The following FAM222B variants were observed in gnomAD, a reference collection of about 807,000 sequenced individuals.
The protein encoded by FAM222B is protein FAM222B.
In FAM222B, 12 loss-of-function variants were observed where a neutral mutation model predicts 38.0. The observed-to-expected ratio is 0.32, with a 90% CI of 0.20 to 0.51. The LOEUF (loss-of-function observed/expected upper bound fraction) is 0.51. Among genes scored for constraint, FAM222B ranks in the 20% least tolerant of loss-of-function variants. The probability of loss-of-function intolerance (pLI) is 0.97; values close to 1 mark genes in which losing one functional copy is unlikely to be tolerated. For missense variants in FAM222B, 716 were observed against 754.2 expected, an observed-to-expected ratio of 0.95 and a Z score of 0.59; for synonymous variants, 329 against 317.2, an observed-to-expected ratio of 1.04 and a Z score of -0.40.
chr17:28,847,980 AG>A (rs2039157395), intron 1 of FAM222B, among the ~76,000 whole-genome samples: 1 of 151,908 alleles, frequency 6.6e-6, no homozygotes, highest in Non-Finnish European at 1.5e-5. Flanking sequence ...TGAAGGAGAG[AG>A]AAGCAGATGG....
At chr17:28,775,159 C>A (rs2035826136) in intron 1 of FAM222B, among the ~76,000 whole-genome samples, 1 of 151,198 alleles carries the variant, frequency 6.6e-6, no homozygotes, top group Non-Finnish European at 1.5e-5. Flanking sequence ...CACCACCATG[C>A]CCGACTAATT....
Position 28,787,826 on chromosome 17 carries a change from CT to C in FAM222B, c.-40-21120del, listed in dbSNP as rs59467944. On this transcript the variant is annotated intron_variant, in intron 1 of 2. Transcript: ENST00000581407. Reference sequence around the variant, plus strand: ...ACAAATAAAAAACTAATAAAGTAGTCTTTTTTTTTTTTTTTTTGAGACGGAG... The same window carrying C: ...ACAAATAAAAAACTAATAAAGTAGTCTTTTTTTTTTTTTTTTGAGACGGAG... Among the ~76,000 whole-genome samples, 478 of 130,146 alleles carry C rather than the reference CT, an allele frequency of 3.7e-3. 1 individual carries two copies. Among genetic ancestry groups the C allele is most frequent in the East Asian group, 5.8e-3 (26 of 4,516 alleles). 85.4% of individuals were successfully genotyped at this position (130,146 alleles called of 152,430 possible).
At chr17:28,801,451 C>CAAAAAAAAAAA (rs766189732) in intron 1 of FAM222B, among the ~76,000 whole-genome samples, 2 of 90,280 alleles carry the variant, frequency 2.2e-5, no homozygotes, top group East Asian at 3.6e-4. Flanking sequence ...GACTCCGTCT[C>CAAAAAAAAAAA]AAAAAAAAAA....
At chr17:28,833,758 A>G (rs1437800123) in intron 1 of FAM222B, among the ~76,000 whole-genome samples, 1 of 152,172 alleles carries the variant, frequency 6.6e-6, no homozygotes, top group African/African-American at 2.4e-5. Flanking sequence ...AACAACATAT[A>G]AAGCAACTGA....
At chr17:28,778,809 C>T (rs2036033210) in intron 1 of FAM222B, among the ~76,000 whole-genome samples, 1 of 145,386 alleles carries the variant, frequency 6.9e-6, no homozygotes, top group South Asian at 2.2e-4. Context: ...AGTGATCCAC[C>T]CACCTCAGCC....
intron 1 of FAM222B, among the ~76,000 whole-genome samples, chr17:28,799,542 C>A (rs1230856301): frequency 6.6e-6 from 1 of 151,796 alleles, no homozygotes; most frequent in Non-Finnish European, 1.5e-5. Context: ...ATCTCCTGAC[C>A]TCGTGATCCG....
intron 1 of FAM222B, among the ~76,000 whole-genome samples, chr17:28,787,639 C>G (rs570071144): frequency 6.6e-6 from 1 of 152,164 alleles, no homozygotes; most frequent in Admixed American, 6.5e-5. Flanking sequence ...TGGCAGACCA[C>G]AACTAGCTAA....
At chr17:28,775,770 A>G (rs1342570011) in intron 1 of FAM222B, among the ~76,000 whole-genome samples, 2 of 151,700 alleles carry the variant, frequency 1.3e-5, no homozygotes, top group African/African-American at 2.4e-5. Context: ...AGTCCCAGCT[A>G]CTCAGGAGGC....
chr17:28,845,127 C>A (rs972089845), upstream of FAM222B, among the ~76,000 whole-genome samples: 1 of 148,182 alleles, frequency 6.7e-6, no homozygotes, highest in Admixed American at 6.8e-5. Context: ...TAGGGCCGGG[C>A]GCGGTGGCTC....
chr17:28,803,444 T>A (rs2151907118), intron 1 of FAM222B, among the ~76,000 whole-genome samples: 1 of 151,930 alleles, frequency 6.6e-6, no homozygotes, highest in Admixed American at 6.6e-5. Flanking sequence ...TAGCTGGGAG[T>A]ACAGGCACAC....
chr17:28,806,337 A>G lies in FAM222B; in HGVS notation c.-41+36345T>C, dbSNP rs1204536602. Among the ~76,000 whole-genome samples, 4 of 152,212 alleles carry G rather than the reference A, an allele frequency of 2.6e-5. No individual in the cohort carries two copies. In the East Asian group the frequency reaches 7.7e-4, roughly 29 times the overall value. ...TGAACTCTTAACTAGAGTCTTGTCC[A>G]TATCTTGGTAAAGATGCCCTCTGCC... On this transcript the variant is annotated intron_variant, in intron 1 of 2. Transcript: ENST00000581407.
At chr17:28,812,795 C>G (rs1037120298) in intron 1 of FAM222B, among the ~76,000 whole-genome samples, 1 of 147,468 alleles carries the variant, frequency 6.8e-6, no homozygotes, top group African/African-American at 2.5e-5. Context: ...TACTAGGAGA[C>G]CCCCCCCCAC....
At position 28,758,600 on chromosome 17, in the gene FAM222B, C is replaced by G. The variant is rs1488586097; in HGVS notation, c.1359G>C (p.Leu453=). The change falls in exon 3 of 3, where the codon CTG becomes CTC. Residue 453 remains leucine, a synonymous_variant. Coordinates refer to ENST00000581407, the MANE Select transcript of FAM222B (RefSeq NM_001077498.3). ...TGGGAGTGGGCAGAATGTTGTTCCACAGGGGTTGGAAGTAGTGACCATTGG... is the reference window on the plus strand; with the variant it reads ...TGGGAGTGGGCAGAATGTTGTTCCAGAGGGGTTGGAAGTAGTGACCATTGG... ...AYPNGHYFQP[L]WNNILPTPNS... The G allele has an allele frequency of 3.7e-6, 6 of 1,611,080 alleles. No individual in the cohort carries two copies. The highest frequency in any genetic ancestry group is 5.1e-6 in the Non-Finnish European group (6 of 1,179,860).
At chr17:28,771,658 G>T (rs1023554935) in intron 1 of FAM222B, among the ~76,000 whole-genome samples, 1 of 152,148 alleles carries the variant, frequency 6.6e-6, no homozygotes. Context: ...ACCAGCCCGG[G>T]AAACAGTGCG....
chr17:28,851,092 C>G (rs971968707), intron 1 of FAM222B, among the ~76,000 whole-genome samples: 7 of 151,952 alleles, frequency 4.6e-5, no homozygotes, highest in African/African-American at 1.7e-4. Flanking sequence ...GCACTCCAGC[C>G]TGGGCGACAG....
chr17:28,761,476 C>CT (rs1331156046), intron 2 of FAM222B, among the ~76,000 whole-genome samples: 3 of 152,264 alleles, frequency 2.0e-5, no homozygotes, highest in African/African-American at 7.2e-5. Context: ...AACGACTAAT[C>CT]TGACTGAATG....
chr17:28,790,895 T>TTC (rs2036644796), intron 1 of FAM222B, among the ~76,000 whole-genome samples: 1 of 99,388 alleles, frequency 1.0e-5, no homozygotes, highest in African/African-American at 3.6e-5. Context: ...TTTTTTTTTT[T>TTC]TTTTTTTTTT....
chr17:28,759,818 C>G lies in FAM222B; in HGVS notation c.141G>C (p.Ala47=). The G allele has an allele frequency of 1.9e-6, 3 of 1,595,430 alleles. No homozygotes were observed. The highest frequency in any genetic ancestry group is 2.6e-6 in the Non-Finnish European group (3 of 1,170,984). The part of the protein sequence containing the change: ...AHYPTPAELD[A]YAKKVANNPL... ...GGTTGTTTGCGACCTTCTTAGCATA[C>G]GCATCCAATTCGGCTGGGGTAGGAT... The change falls in exon 3 of 3, where the codon GCG becomes GCC. Residue 47 remains alanine, a synonymous_variant. Coordinates refer to ENST00000581407, the MANE Select transcript of FAM222B (RefSeq NM_001077498.3). This position sits in a 1 kb window ranked among gnomAD's most constrained non-coding sequence, Gnocchi z 4.8.
chr17:28,789,094 A>C (rs1313206324), intron 1 of FAM222B, among the ~76,000 whole-genome samples: 2 of 151,182 alleles, frequency 1.3e-5, no homozygotes, highest in Non-Finnish European at 2.9e-5. Flanking sequence ...AAAAAAAAAA[A>C]AAAAAAAAAC....
Sources: gnomAD v4.1 joint callset for allele counts (sites outside exome capture counted in the v4.1 genomes callset) on GRCh38, gnomAD v4.1.1 for gene constraint, Gnocchi (gnomAD v3.1) non-coding constraint, MANE v1.5 for transcripts, NCBI Gene and HGNC (gene_info 2026-07-23, HGNC 2026-07-21) for gene names.